The following EDC3 variants were observed in gnomAD, a reference collection of about 807,000 sequenced individuals.
EDC3 encodes enhancer of mRNA-decapping protein 3.
A neutral mutation model predicts 41.8 loss-of-function variants in EDC3; 20 were observed. The observed-to-expected ratio is 0.48, with a 90% CI of 0.34 to 0.70. The LOEUF (loss-of-function observed/expected upper bound fraction) is 0.70. Ranked by LOEUF, EDC3 falls within the 30% of genes least tolerant of loss-of-function variation. The pLI, the probability that EDC3 is intolerant of heterozygous loss-of-function variation, is 0.01. For synonymous variants in EDC3, 206 were observed against 243.2 expected (o/e 0.85, Z 1.42); for missense variants, 444 against 636.8 (o/e 0.70, Z 3.26).
intron 4 of EDC3, chr15:74,642,690 T>C (rs2062368528): frequency 6.6e-6 from 1 of 152,256 alleles, no homozygotes; most frequent in Admixed American, 6.5e-5. Context: ...TTGGGCCTGC[T>C]ACTCCACAAA....
chr15:74,695,814 C>CT (rs2063058595), intron 1 of EDC3, 66 bp downstream of exon 1: 2 of 153,118 alleles, frequency 1.3e-5, no homozygotes. Context: ...ACTCTGAAGC[C>CT]TAAAGCAACC....
At chr15:74,643,038 G>A (rs1413805439) in intron 4 of EDC3, 2 of 152,044 alleles carry the variant, frequency 1.3e-5, no homozygotes, top group African/African-American at 2.4e-5. Flanking sequence ...GCAGTTATGG[G>A]GTCTAGAACT....
chr15:74,683,729 A>G (rs1446490234), intron 1 of EDC3, among the ~76,000 whole-genome samples: 3 of 152,224 alleles, frequency 2.0e-5, no homozygotes, highest in African/African-American at 7.2e-5. Context: ...TAATTAAAAA[A>G]AAAATCAATG....
rs903089352 is a variant in EDC3, at chr15:74,642,024, G to A, written c.821-1405C>T. On this transcript the variant is annotated intron_variant, in intron 4 of 6. Transcript: ENST00000315127. ...ATCTGTTTTCTTCACTGGTCCTGTCGGGAGAAATCTCTTGAGGTTATCTAT... is the reference window on the plus strand; with the variant it reads ...ATCTGTTTTCTTCACTGGTCCTGTCAGGAGAAATCTCTTGAGGTTATCTAT... 5 of 152,246 alleles carry A rather than the reference G, an allele frequency of 3.3e-5. No individual in the cohort carries two copies. The South Asian group carries it at 8.3e-4, about 25-fold the overall frequency. The allele number at this position is 152,246 out of a possible 1,614,324, so 9.4% of individuals were successfully genotyped here.
At chr15:74,635,287 G>A in intron 6 of EDC3, 122 bp downstream of exon 6, 1 of 889,344 alleles carries the variant, frequency 1.1e-6, no homozygotes, top group Non-Finnish European at 1.9e-6. Context: ...ACTCCTTAGA[G>A]GCGAAGCACC....
chr15:74,688,256 A>G (rs2062961885), intron 1 of EDC3, among the ~76,000 whole-genome samples: 1 of 152,228 alleles, frequency 6.6e-6, no homozygotes, highest in Admixed American at 6.5e-5. Flanking sequence ...GGCTCCATCA[A>G]TTATACAGCT....
At chr15:74,691,962 G>A (rs1013038275) in intron 1 of EDC3, among the ~76,000 whole-genome samples, 5 of 151,956 alleles carry the variant, frequency 3.3e-5, no homozygotes, top group South Asian at 2.1e-4. Flanking sequence ...GACTACAGGC[G>A]CCCACCAACA....
At chr15:74,660,433 A>ATATG (rs60853393) in intron 3 of EDC3, among the ~76,000 whole-genome samples, 2,380 of 47,124 alleles carry the variant, frequency 0.051, 51 homozygotes, top group African/African-American at 0.12. Flanking sequence ...ATATATATAT[A>ATATG]TGTGTGTGTG....
intron 3 of EDC3, among the ~76,000 whole-genome samples, chr15:74,670,333 G>C (rs2062725168): frequency 6.6e-6 from 1 of 152,164 alleles, no homozygotes; most frequent in Non-Finnish European, 1.5e-5. Flanking sequence ...CATTATTCTA[G>C]TAAATATGTT....
intron 1 of EDC3, among the ~76,000 whole-genome samples, chr15:74,682,377 G>A (rs1050832925): frequency 5.3e-5 from 8 of 152,006 alleles, no homozygotes; most frequent in African/African-American, 1.9e-4. Flanking sequence ...TCAGCACTTT[G>A]AGAGGCCAAG....
At position 74,654,971 on chromosome 15, in the gene EDC3, C is replaced by T. The variant is rs545054942; in HGVS notation, c.820+762G>A. 4.6e-5 allele frequency among the ~76,000 whole-genome samples: 7 copies of T among 152,284 alleles called. No individual in the cohort carries two copies. The South Asian group carries it at 1.5e-3, about 32-fold the overall frequency. ...AATGATTATGACTTCCCCTTTAGCT[C>T]TTAGGATCATTCAATAACAATGGTT... On this transcript the variant is annotated intron_variant, in intron 4 of 6. Transcript: ENST00000315127.
At chr15:74,654,486 C>T (rs995785178) in intron 4 of EDC3, among the ~76,000 whole-genome samples, 1 of 152,158 alleles carries the variant, frequency 6.6e-6, no homozygotes, top group African/African-American at 2.4e-5. Flanking sequence ...AGGCTTAAAA[C>T]CTAGCAATTT....
chr15:74,661,839 T>G (rs755894180), intron 3 of EDC3, among the ~76,000 whole-genome samples: 3 of 150,634 alleles, frequency 2.0e-5, no homozygotes, highest in Admixed American at 2.0e-4. Context: ...TCAAAGGTAA[T>G]AGGAAAGGAG....
At chr15:74,688,047 A>G (rs566727242) in intron 1 of EDC3, among the ~76,000 whole-genome samples, 1 of 152,370 alleles carries the variant, frequency 6.6e-6, no homozygotes, top group East Asian at 1.9e-4. Flanking sequence ...GTTAATATTA[A>G]TAGAAACTTT....
intron 1 of EDC3, among the ~76,000 whole-genome samples, chr15:74,687,811 C>G (rs956782251): frequency 6.6e-6 from 1 of 152,146 alleles, no homozygotes; most frequent in Non-Finnish European, 1.5e-5. Flanking sequence ...GTTTCCTTTC[C>G]TATCATTTAT....
intron 1 of EDC3, among the ~76,000 whole-genome samples, chr15:74,688,606 T>A (rs573695511): frequency 6.6e-6 from 1 of 152,312 alleles, no homozygotes; most frequent in East Asian, 1.9e-4. Context: ...CTTCTTTTGC[T>A]CAAAAGTACA....
intron 4 of EDC3, among the ~76,000 whole-genome samples, chr15:74,645,568 G>A (rs1174219929): frequency 7.1e-6 from 1 of 140,476 alleles, no homozygotes; most frequent in African/African-American, 3.0e-5. Flanking sequence ...AAAAGTTGGG[G>A]GGGGGGGGGT....
At chr15:74,637,359 T>G (rs1567153217) in intron 5 of EDC3, 2 of 152,200 alleles carry the variant, frequency 1.3e-5, no homozygotes, top group African/African-American at 4.8e-5. Context: ...GCTCCAAAAC[T>G]AATGTTTCTG....
chr15:74,687,505 G>A (rs1342729196), intron 1 of EDC3, among the ~76,000 whole-genome samples: 1 of 152,146 alleles, frequency 6.6e-6, no homozygotes, highest in Non-Finnish European at 1.5e-5. Context: ...AGCCTCCTGA[G>A]TAGCTGGGAC....
Sources: gnomAD v4.1 joint callset for allele counts (sites outside exome capture counted in the v4.1 genomes callset) on GRCh38, gnomAD v4.1.1 for gene constraint, MANE v1.5 for transcripts, NCBI Gene and HGNC (gene_info 2026-07-23, HGNC 2026-07-21) for gene names.